The following TRIM44 variants were observed in gnomAD, a reference collection of about 807,000 sequenced individuals.
The protein encoded by TRIM44 is tripartite motif-containing protein 44.
TRIM44 carries 13 observed loss-of-function variants against 37.4 expected under a neutral mutation model. The observed-to-expected ratio is 0.35, with a 90% CI of 0.23 to 0.55. The LOEUF (loss-of-function observed/expected upper bound fraction) is 0.55, where lower values mean the gene tolerates loss of function less well. Ranked by LOEUF, TRIM44 falls within the 20% of genes least tolerant of loss-of-function variation. The pLI is 0.89. For missense variants in TRIM44, 426 were observed against 437.2 expected (o/e 0.97, Z 0.23); for synonymous variants, 175 against 157.2 (o/e 1.11, Z -0.85).
chr11:35,740,096 TAAAAAAA>T (rs1258985035), intron 4 of TRIM44, among the ~76,000 whole-genome samples: 1 of 64,558 alleles, frequency 1.5e-5, no homozygotes, highest in African/African-American at 7.2e-5. Flanking sequence ...AGACTCTGTC[TAAAAAAA>T]AAAAAAAAAA....
intron 2 of TRIM44, among the ~76,000 whole-genome samples, chr11:35,720,810 C>G (rs1852097768): frequency 6.6e-6 from 1 of 151,732 alleles, no homozygotes; most frequent in Admixed American, 6.6e-5. Context: ...TCCTCTTTAG[C>G]CTGTTGATGT....
intron 1 of TRIM44, among the ~76,000 whole-genome samples, chr11:35,673,367 C>G (rs1305120461): frequency 2.0e-5 from 3 of 152,146 alleles, no homozygotes; most frequent in Non-Finnish European, 4.4e-5. Context: ...TTATTCATGG[C>G]AGAGACAATT....
chr11:35,804,227 G>A (rs1853416836), intron 4 of TRIM44, among the ~76,000 whole-genome samples: 1 of 152,090 alleles, frequency 6.6e-6, no homozygotes, highest in South Asian at 2.1e-4. Context: ...CCAAGAACAC[G>A]TCTCTTTTAG....
At chr11:35,767,953 G>A (rs1019637724) in intron 4 of TRIM44, among the ~76,000 whole-genome samples, 3 of 152,192 alleles carry the variant, frequency 2.0e-5, no homozygotes, top group Non-Finnish European at 4.4e-5. Flanking sequence ...TAATCAGAAG[G>A]TTAGGGGGAC....
At chr11:35,801,397 G>T (rs1022184000) in intron 4 of TRIM44, among the ~76,000 whole-genome samples, 1 of 152,126 alleles carries the variant, frequency 6.6e-6, no homozygotes, top group Middle Eastern at 3.2e-3. Context: ...CAAGAACTCA[G>T]AAGACATGAG....
At chr11:35,735,200 G>T (rs1846875454) in intron 3 of TRIM44, among the ~76,000 whole-genome samples, 1 of 152,156 alleles carries the variant, frequency 6.6e-6, no homozygotes, top group Non-Finnish European at 1.5e-5. Context: ...TCACTTCTCT[G>T]CTCTGCTTGT....
intron 4 of TRIM44, among the ~76,000 whole-genome samples, chr11:35,799,174 G>A (rs1354808028): frequency 6.6e-5 from 10 of 152,256 alleles, no homozygotes; most frequent in Non-Finnish European, 1.3e-4. Flanking sequence ...TGCCTGGGCA[G>A]GCCTGCTGGC....
rs1370559816 is a variant in TRIM44, at chr11:35,816,728, T to A, written c.*10343T>A. Reference sequence around the variant, plus strand: ...TAGAAGCATACAGACTTGGTTTTAGTACTGGCTTTGTTCTTTACTAACTCT... The same window carrying A: ...TAGAAGCATACAGACTTGGTTTTAGAACTGGCTTTGTTCTTTACTAACTCT... On this transcript the variant is annotated 3_prime_UTR_variant, in exon 5 of 5. Transcript: ENST00000299413. The A allele has an allele frequency of 6.6e-6, 1 of 152,216 alleles. No individual in the cohort carries two copies. Among genetic ancestry groups the A allele is most frequent in the African/African-American group, 2.4e-5 (1 of 41,460 alleles). The allele number at this position is 152,216 out of a possible 1,614,324, so 9.4% of individuals were successfully genotyped here.
chr11:35,753,561 C>G (rs1382248588), intron 4 of TRIM44, among the ~76,000 whole-genome samples: 1 of 152,168 alleles, frequency 6.6e-6, no homozygotes, highest in Non-Finnish European at 1.5e-5. Flanking sequence ...GAGCAGTTCT[C>G]TTAGGCAGGA....
intron 1 of TRIM44, among the ~76,000 whole-genome samples, chr11:35,668,376 C>T (rs1273638167): frequency 2.0e-5 from 3 of 152,158 alleles, no homozygotes; most frequent in African/African-American, 4.8e-5. Context: ...CACCCCCTAT[C>T]CACTGACAGG....
chr11:35,770,053 C>G (rs1852846131), intron 4 of TRIM44, among the ~76,000 whole-genome samples: 1 of 152,060 alleles, frequency 6.6e-6, no homozygotes, highest in African/African-American at 2.4e-5. Flanking sequence ...CAACCCTTGC[C>G]CCACTCCCTT....
Position 35,780,370 on chromosome 11 carries a change from C to T in TRIM44, c.1008-25988C>T, listed in dbSNP as rs114488610. On this transcript the variant is annotated intron_variant, in intron 4 of 4. Transcript: ENST00000299413. ...ATGCTTAGTGTTTTGAGAATGTACTCAGGACTTCAGAATTGGCTGTAGGCT... is the reference window on the plus strand; with the variant it reads ...ATGCTTAGTGTTTTGAGAATGTACTTAGGACTTCAGAATTGGCTGTAGGCT... Among the ~76,000 whole-genome samples the T allele has an allele frequency of 3.4e-3, 513 of 152,314 alleles. 6 individuals carry two copies. The highest frequency in any genetic ancestry group is 0.012 in the African/African-American group (497 of 41,570).
chr11:35,742,722 T>C (rs1319039090), intron 4 of TRIM44, among the ~76,000 whole-genome samples: 1 of 138,010 alleles, frequency 7.2e-6, no homozygotes, highest in East Asian at 2.0e-4. Context: ...ATATTAAATA[T>C]AATTATATTA....
chr11:35,773,896 A>G (rs184877062), intron 4 of TRIM44, among the ~76,000 whole-genome samples: 1 of 152,300 alleles, frequency 6.6e-6, no homozygotes, highest in East Asian at 1.9e-4. Flanking sequence ...GTTGGTTCCA[A>G]GTCTTTGCTA....
rs1265252363 is a variant in TRIM44, at chr11:35,813,366, A to G, written c.*6981A>G. 2.0e-5 allele frequency: 3 copies of G among 152,336 alleles called. No homozygotes were observed. The highest frequency in any genetic ancestry group is 4.4e-5 in the Non-Finnish European group (3 of 68,032). The allele number at this position is 152,336 out of a possible 1,614,324, so 9.4% of individuals were successfully genotyped here. On this transcript the variant is annotated 3_prime_UTR_variant, in exon 5 of 5. Transcript: ENST00000299413. Reference sequence around the variant, plus strand: ...TGACTGAGAATTAAGAAGTAAGCAAACAAGGCTTCCAACCAATTGAAATAA... The same window carrying G: ...TGACTGAGAATTAAGAAGTAAGCAAGCAAGGCTTCCAACCAATTGAAATAA...
At chr11:35,768,134 A>G (rs762732685) in intron 4 of TRIM44, among the ~76,000 whole-genome samples, 3 of 152,218 alleles carry the variant, frequency 2.0e-5, no homozygotes, top group Non-Finnish European at 2.9e-5. Flanking sequence ...TTAAAACTCA[A>G]TGATTTGATT....
chr11:35,730,202 C>T (rs553162667), intron 3 of TRIM44, among the ~76,000 whole-genome samples: 2 of 152,060 alleles, frequency 1.3e-5, no homozygotes, highest in East Asian at 1.9e-4. Flanking sequence ...CTGAAAAATA[C>T]AGTAACTGAC....
At chr11:35,780,192 A>T (rs1853044080) in intron 4 of TRIM44, among the ~76,000 whole-genome samples, 3 of 152,180 alleles carry the variant, frequency 2.0e-5, no homozygotes, top group African/African-American at 7.2e-5. Context: ...ATGAGACCAG[A>T]GGAAGTACAT....
intron 2 of TRIM44, among the ~76,000 whole-genome samples, chr11:35,703,070 C>T (rs912007898): frequency 2.0e-5 from 3 of 152,190 alleles, no homozygotes; most frequent in South Asian, 2.1e-4. Flanking sequence ...CGCGCTTTTC[C>T]GACGGGCTTA....
Sources: gnomAD v4.1 joint callset for allele counts (sites outside exome capture counted in the v4.1 genomes callset) on GRCh38, gnomAD v4.1.1 for gene constraint, MANE v1.5 for transcripts, NCBI Gene and HGNC (gene_info 2026-07-23, HGNC 2026-07-21) for gene names.